The following ZFYVE28 variants were observed in gnomAD, a reference collection of about 807,000 sequenced individuals.
The protein encoded by ZFYVE28 is lateral signaling target protein 2 homolog.
Under a neutral mutation model 82.1 loss-of-function variants are expected in ZFYVE28, and 40 were observed. The observed-to-expected ratio is 0.49, with a 90% CI of 0.38 to 0.63. The LOEUF is 0.63. Among genes scored for constraint, ZFYVE28 ranks in the 30% least tolerant of loss-of-function variants. The pLI is 0.00. For synonymous variants in ZFYVE28, 612 were observed against 546.1 expected, an observed-to-expected ratio of 1.12 and a Z score of -1.68; for missense variants, 1,321 against 1,242.1, an observed-to-expected ratio of 1.06 and a Z score of -0.96.
rs140442078 is a variant in ZFYVE28 at position 2,305,285 on chromosome 4, G to A, written c.1055C>T (p.Ala352Val). ...LEQLSRMVHR[A>V]GDEMSSLLSP... Reference sequence around the variant, plus strand: ...AAGCAAAGAGGACATCTCGTCCCCCGCCCTGTGGACCATGCGGCTGAGCTG... The same window carrying A: ...AAGCAAAGAGGACATCTCGTCCCCCACCCTGTGGACCATGCGGCTGAGCTG... Residue 352 changes from alanine (A) to valine (V), a missense_variant, in exon 8 of 13, where the codon GCG (alanine) becomes GTG (valine). Ala to Val is a moderately conservative substitution (Grantham distance 64, BLOSUM62 0). Coordinates refer to ENST00000290974, the MANE Select transcript of ZFYVE28 (RefSeq NM_020972.3). The A allele has an allele frequency of 2.3e-4, 373 of 1,613,070 alleles. 3 individuals carry two copies. In the African/African-American group the frequency reaches 2.9e-3, roughly 12 times the overall value.
intron 1 of ZFYVE28, among the ~76,000 whole-genome samples, chr4:2,363,335 G>A (rs1030883575): frequency 6.6e-6 from 1 of 152,158 alleles, no homozygotes; most frequent in African/African-American, 2.4e-5. Flanking sequence ...TCCAGAGATA[G>A]GGAGGGACTG....
chr4:2,328,804 C>CTT (rs34334027), intron 6 of ZFYVE28: 82 of 214,884 alleles, frequency 3.8e-4, no homozygotes, highest in East Asian at 1.2e-3. Flanking sequence ...CAACTTTGTT[C>CTT]TTTTTTTTTT....
chr4:2,368,226 A>AACAAAAAAC (rs1727119117), intron 1 of ZFYVE28, among the ~76,000 whole-genome samples: 1 of 150,082 alleles, frequency 6.7e-6, no homozygotes, highest in African/African-American at 2.5e-5. Flanking sequence ...AAAAAAAAAA[A>AACAAAAAAC]AAAACACTGT....
chr4:2,402,163 G>A (rs1233498698), intron 1 of ZFYVE28, among the ~76,000 whole-genome samples: 1 of 152,216 alleles, frequency 6.6e-6, no homozygotes, highest in Non-Finnish European at 1.5e-5. Flanking sequence ...GAGCTCTGCT[G>A]CCACCGCTCC....
At chr4:2,318,560 T>C (rs1328318063) in intron 7 of ZFYVE28, among the ~76,000 whole-genome samples, 1 of 152,164 alleles carries the variant, frequency 6.6e-6, no homozygotes, top group Non-Finnish European at 1.5e-5. Flanking sequence ...ACCCTGACGC[T>C]GGAGGAGATG....
rs551312971 is a variant in ZFYVE28 at position 2,365,705 on chromosome 4, T to C, written c.40-11632A>G. 4.6e-5 allele frequency among the ~76,000 whole-genome samples: 7 copies of C among 152,232 alleles called. No homozygotes were observed. The East Asian group carries it at 1.4e-3, about 29-fold the overall frequency. On this transcript the variant is annotated intron_variant, in intron 1 of 12. Transcript: ENST00000290974. The stretch of plus-strand genomic sequence containing the variant: ...CTGGGTTCTGTGCCTGGAGCTGGGC[T>C]ACACGGGGAGGACGTCTCCCAGGCC...
At chr4:2,346,601 AC>A (rs1396601555) in intron 2 of ZFYVE28, among the ~76,000 whole-genome samples, 1 of 152,218 alleles carries the variant, frequency 6.6e-6, no homozygotes. Flanking sequence ...CAACAATAGC[AC>A]AAGGTCCAGT....
chr4:2,350,471 A>T (rs1484030809), intron 2 of ZFYVE28, among the ~76,000 whole-genome samples: 1 of 152,160 alleles, frequency 6.6e-6, no homozygotes, highest in Non-Finnish European at 1.5e-5. Flanking sequence ...CTCAAAAAAA[A>T]AAAAAGAAAG....
intron 1 of ZFYVE28, among the ~76,000 whole-genome samples, chr4:2,405,575 A>G (rs564033583): frequency 1.4e-3 from 210 of 152,348 alleles, no homozygotes; most frequent in Non-Finnish European, 2.2e-3. Context: ...TGAGATCTGC[A>G]GGCCAGGAAG....
At chr4:2,360,657 G>T (rs1424230847) in intron 1 of ZFYVE28, among the ~76,000 whole-genome samples, 1 of 152,166 alleles carries the variant, frequency 6.6e-6, no homozygotes, top group Non-Finnish European at 1.5e-5. Context: ...CCCAGGAAAT[G>T]AATGAACACA....
chr4:2,318,426 C>T (rs913826375), intron 7 of ZFYVE28, among the ~76,000 whole-genome samples: 15 of 152,044 alleles, frequency 9.9e-5, no homozygotes, highest in East Asian at 1.9e-4. Flanking sequence ...GGCATGGTGG[C>T]GTACACCCGT....
chr4:2,409,521 C>T lies in ZFYVE28; in HGVS notation c.39+8764G>A, dbSNP rs1048805732. ...AGCCTTTCAGGCTCCGCGACCCACA[C>T]CCCCTTGCCACTCACATCTCAGCAG... On this transcript the variant is annotated intron_variant, in intron 1 of 12. Transcript: ENST00000290974. The surrounding 1 kb of genome is among the most constrained non-coding windows in gnomAD (Gnocchi z 4.4). Among the ~76,000 whole-genome samples the T allele has an allele frequency of 2.0e-5, 3 of 152,244 alleles. No homozygotes were observed. Among genetic ancestry groups the T allele is most frequent in the Admixed American group, 6.5e-5 (1 of 15,286 alleles).
rs545889874 is a variant in ZFYVE28 at position 2,319,936 on chromosome 4, C to T, written c.803+234G>A. On this transcript the variant is annotated intron_variant, in intron 7 of 12. Transcript: ENST00000290974. The stretch of plus-strand genomic sequence containing the variant: ...GTCAGGAAGTGTGAGGTTCACTCCC[C>T]CAGCTCAGCCCAAGAGAGCGCCCAC... Among the ~76,000 whole-genome samples the T allele has an allele frequency of 3.9e-5, 6 of 152,284 alleles. No individual in the cohort carries two copies. The South Asian group carries it at 1.2e-3, about 32-fold the overall frequency.
intron 1 of ZFYVE28, among the ~76,000 whole-genome samples, chr4:2,361,437 G>A (rs1726140270): frequency 6.6e-6 from 1 of 152,180 alleles, no homozygotes; most frequent in Admixed American, 6.5e-5. Context: ...GCACGTGTGA[G>A]CTCAGCCCGT....
At chr4:2,359,315 G>A (rs112182632) in intron 1 of ZFYVE28, among the ~76,000 whole-genome samples, 8 of 151,926 alleles carry the variant, frequency 5.3e-5, no homozygotes, top group African/African-American at 1.2e-4. Flanking sequence ...TTGTAGAGAC[G>A]GGGTCTTGCC....
intron 1 of ZFYVE28, among the ~76,000 whole-genome samples, chr4:2,391,597 T>A (rs550826809): frequency 6.6e-6 from 1 of 150,936 alleles, no homozygotes; most frequent in African/African-American, 2.4e-5. Flanking sequence ...TCCCCAGAAC[T>A]TTCTCACCTT....
chr4:2,399,071 G>C (rs1436240389), intron 1 of ZFYVE28, among the ~76,000 whole-genome samples: 3 of 141,674 alleles, frequency 2.1e-5, no homozygotes, highest in Admixed American at 2.1e-4. Flanking sequence ...TGAGATCCAG[G>C]GCACAAGCGT....
intron 1 of ZFYVE28, among the ~76,000 whole-genome samples, chr4:2,355,751 A>T (rs895664896): frequency 6.6e-6 from 1 of 151,968 alleles, no homozygotes; most frequent in African/African-American, 2.4e-5. Context: ...CTAATTTTAA[A>T]TTTTTTCTAG....
chr4:2,322,154 C>G (rs575671312), intron 6 of ZFYVE28, among the ~76,000 whole-genome samples: 1 of 152,198 alleles, frequency 6.6e-6, no homozygotes, highest in African/African-American at 2.4e-5. Flanking sequence ...AGAGAAGGCC[C>G]GTGGGACAGG....
Sources: allele counts gnomAD v4.1 joint callset (sites outside exome capture counted in the v4.1 genomes callset), GRCh38; gene constraint gnomAD v4.1.1; non-coding constraint Gnocchi (gnomAD v3.1); transcripts MANE v1.5; gene names NCBI Gene and HGNC (gene_info 2026-07-23, HGNC 2026-07-21).